Variants in TMC6 observed in about 807,000 individuals in gnomAD.
TMC6 encodes the protein transmembrane channel like 6.
TMC6 carries 71 observed loss-of-function variants against 95.4 expected under a neutral mutation model. The observed-to-expected ratio is 0.74, with a 90% CI of 0.61 to 0.91. TMC6 has a LOEUF of 0.91. TMC6 is among the 40% of genes least tolerant of loss of function. The probability of loss-of-function intolerance (pLI) is 0.00; values close to 1 mark genes in which losing one functional copy is unlikely to be tolerated. For missense variants in TMC6, 1,074 were observed against 1,079.1 expected (o/e 1.00, Z 0.07); for synonymous variants, 514 against 483.1 (o/e 1.06, Z -0.84).
At chr17:78,125,909 GGGCCGGGCAGGGCCA>G in intron 4 of TMC6, 25 bp from the exon 5 acceptor site, 1 of 1,549,850 alleles carries the variant, frequency 6.5e-7, no homozygotes, top group Non-Finnish European at 8.7e-7. Context: ...GGGCAGGGCC[GGGCCGGGCAGGGCCA>G]GGCCTCCCTC....
rs1409669932 is a variant in TMC6 at position 78,122,529 on chromosome 17, A to T, written c.1227+76T>A. 1.2e-5 allele frequency: 19 copies of T among 1,583,214 alleles called. No homozygotes were observed. In the East Asian group the frequency reaches 4.0e-4, roughly 34 times the overall value. ...CTCCCTCTAGACCATGGTTCTGGTC[A>T]CATGGTCCTAAGTGGACCCAGGGCC... On this transcript the variant is annotated intron_variant, in intron 10 of 19. Coordinates refer to ENST00000590602, the MANE Select transcript of TMC6 (RefSeq NM_001127198.5). The surrounding 1 kb of genome is among the most constrained non-coding windows in gnomAD (Gnocchi z 4.9).
chr17:78,119,397 CT>C lies in TMC6; in HGVS notation c.1716-6del, dbSNP rs3841687. ...AGCTTCTTCTCGGAGATAATCCTGCCTCCGAGGACCCCGGATCGTTAGATGG... is the reference window on the plus strand; with the variant it reads ...AGCTTCTTCTCGGAGATAATCCTGCCCCGAGGACCCCGGATCGTTAGATGG... On this transcript the variant is annotated splice_region_variant and splice_polypyrimidine_tract_variant and intron_variant, in intron 13 of 19. Transcript: ENST00000590602. The C allele has an allele frequency of 0.046, 73,717 of 1,613,734 alleles. 4,673 individuals carry two copies. Among genetic ancestry groups the C allele is most frequent in the East Asian group, 0.26 (11,636 of 44,826 alleles).
chr17:78,116,766 G>C (rs2074139378), intron 18 of TMC6, among the ~76,000 whole-genome samples: 1 of 152,138 alleles, frequency 6.6e-6, no homozygotes, highest in Admixed American at 6.5e-5. Context: ...TGTACTCCCA[G>C]CTACTCGGGA....
At chr17:78,128,858 G>T (rs2074882758), upstream of TMC6, 1 of 129,404 alleles carries the variant, frequency 7.7e-6, no homozygotes, top group African/African-American at 2.8e-5. The surrounding 1 kb of genome is among the most constrained non-coding windows in gnomAD (Gnocchi z 4.0). Flanking sequence ...CGGCGCCCCC[G>T]CCCTCCTCCG....
At chr17:78,131,949 G>A, upstream of TMC6, 1 of 1,516,432 alleles carries the variant, frequency 6.6e-7, no homozygotes, top group South Asian at 1.2e-5. Flanking sequence ...GCGGCAGACG[G>A]TGGAAAGGCG....
At position 78,117,467 on chromosome 17, in the gene TMC6, C is replaced by A. The variant is rs987564090; in HGVS notation, c.2198+1G>T. The A allele has an allele frequency of 1.9e-6, 3 of 1,610,146 alleles. No individual in the cohort carries two copies. The African/African-American group carries it at 4.0e-5, about 22-fold the overall frequency. ...GGGCCGCCCCCACCTGCGGGACTCA[C>A]AGCAGCAGGGCTGACACCAGGAAGA... is the stretch of plus-strand genomic sequence containing the variant. On this transcript the variant is annotated splice_donor_variant, in intron 17 of 19. Coordinates refer to ENST00000590602, the MANE Select transcript of TMC6 (RefSeq NM_001127198.5). LOFTEE classifies it high-confidence loss of function.
rs1567995497 is a variant in TMC6 at position 78,122,685 on chromosome 17, C to CG, written c.1146dup (p.Val383ArgfsTer118). 3 of 1,611,782 alleles carry CG rather than the reference C, an allele frequency of 1.9e-6. No individual in the cohort carries two copies. Among genetic ancestry groups the CG allele is most frequent in the Non-Finnish European group, 2.5e-6 (3 of 1,179,466 alleles). The stretch of plus-strand genomic sequence containing the variant: ...ACCTTGTAGTCCCAGGAGCAGAAGA[C>CG]GGTGATGGCGTGGATGCCAGAGGTG... On this transcript the variant is annotated frameshift_variant, in exon 10 of 20. Coordinates refer to ENST00000590602, the MANE Select transcript of TMC6 (RefSeq NM_001127198.5). LOFTEE classifies it high-confidence loss of function. The surrounding 1 kb of genome is among the most constrained non-coding windows in gnomAD (Gnocchi z 4.9).
In TMC6 at chr17:78,121,151, G is replaced by A. The variant is rs1239322265; in HGVS notation, c.1397C>T (p.Ala466Val). 6.3e-7 allele frequency: 1 copy of A among 1,594,874 alleles called. No homozygotes were observed. Among genetic ancestry groups the A allele is most frequent in the Non-Finnish European group, 8.5e-7 (1 of 1,171,548 alleles). The change falls in exon 12 of 20, where the codon GCT becomes GTT. Residue 466 changes from alanine to valine, a missense_variant. Ala to Val is a moderately conservative substitution (Grantham distance 64). Transcript: ENST00000590602. The surrounding 1 kb of genome is among the most constrained non-coding windows in gnomAD (Gnocchi z 5.6). ...GACCAGCAGCACAGCCTCCTGGCCA[G>A]CAGCCTCTGGACTCTGCAGGGGTGC... ...SEFMIQSPEA[A>V]GQEAVLLVLP...
chr17:78,117,835 C>A lies in TMC6; in HGVS notation c.1988G>T (p.Gly663Val). Residue 663 changes from glycine to valine, a missense_variant, in exon 16 of 20, where the codon GGC becomes GTC. By Grantham distance (109) the Gly-to-Val change is moderately radical. Coordinates refer to ENST00000590602, the MANE Select transcript of TMC6 (RefSeq NM_001127198.5). ...GGCGTAGCAGAGGAAGACAGCGGCG[C>A]CCAGGAAGGCGGGGAAGCAGAGCAG... Reference protein sequence around the residue: ...LTLLCFPAFLGAAVFLCYAVW... With the variant: ...LTLLCFPAFLVAAVFLCYAVW... The A allele has an allele frequency of 6.2e-7, 1 of 1,608,050 alleles. No individual in the cohort carries two copies. The highest frequency in any genetic ancestry group is 8.5e-7 in the Non-Finnish European group (1 of 1,177,532).
intron 18 of TMC6, among the ~76,000 whole-genome samples, chr17:78,114,838 G>C (rs2073976272): frequency 6.6e-6 from 1 of 152,182 alleles, no homozygotes; most frequent in East Asian, 1.9e-4. Context: ...CCCCAAAGAC[G>C]GGTCAGAGCT....
chr17:78,115,667 G>A (rs1214532445), intron 18 of TMC6, among the ~76,000 whole-genome samples: 39 of 135,704 alleles, frequency 2.9e-4, no homozygotes, highest in African/African-American at 1.1e-3. Flanking sequence ...AGGGGCGAAG[G>A]GAGTGGGCAC....
intron 13 of TMC6, chr17:78,120,427 T>C (rs2074355085): frequency 1.5e-6 from 1 of 669,536 alleles, no homozygotes; most frequent in Admixed American, 2.1e-5. Context: ...CCCAAAGTGC[T>C]GGGATTACAG....
In TMC6 at chr17:78,112,317, C is replaced by G; in HGVS notation, c.*831G>C. ...AGCCCTGGGCTGTCATGGGCTGGTC[C>G]CTGCAGACCTGGAGCACGGGGTCAT... On this transcript the variant is annotated 3_prime_UTR_variant, in exon 20 of 20. Transcript: ENST00000590602. 1 of 221,524 alleles carries G rather than the reference C, an allele frequency of 4.5e-6. No homozygotes were observed. Among genetic ancestry groups the G allele is most frequent in the Non-Finnish European group, 9.3e-6 (1 of 107,850 alleles). 13.7% of individuals were successfully genotyped at this position (221,524 alleles called of 1,614,324 possible).
At chr17:78,131,602 G>T, upstream of TMC6, 1 of 1,547,314 alleles carries the variant, frequency 6.5e-7, no homozygotes, top group East Asian at 2.4e-5. Flanking sequence ...CTGCTGCCGC[G>T]GTCGGTGTCA....
At chr17:78,132,424 C>A (rs1329338688), upstream of TMC6, 3 of 1,612,836 alleles carry the variant, frequency 1.9e-6, no homozygotes, top group Admixed American at 5.0e-5. Context: ...ACTCAACCTG[C>A]TGAGCCTGCT....
In TMC6 at chr17:78,121,451, G is replaced by A. The variant is rs944681811; in HGVS notation, c.1383+105C>T. 2 of 1,562,146 alleles carry A rather than the reference G, an allele frequency of 1.3e-6. No individual in the cohort carries two copies. The highest frequency in any genetic ancestry group is 1.4e-5 in the African/African-American group (1 of 73,790). ...CACAGCGTACGTGGCACCCTGGGCT[G>A]GCTGGGTGGAGGAGGAGAGGCAAGG... On this transcript the variant is annotated intron_variant, in intron 11 of 19. Transcript: ENST00000590602. The surrounding 1 kb of genome is among the most constrained non-coding windows in gnomAD (Gnocchi z 5.6).
upstream of TMC6, chr17:78,131,199 G>C (rs1447582383): frequency 5.8e-6 from 2 of 347,410 alleles, no homozygotes; most frequent in Non-Finnish European, 1.1e-5. Flanking sequence ...AGGTGGATGC[G>C]GGGTGCAGCA....
rs71931149 is a variant in TMC6, at chr17:78,120,584, CTCCCGGCCACACG to C, written c.1715+56_1715+68del. On this transcript the variant is annotated intron_variant, in intron 13 of 19. Coordinates refer to ENST00000590602, the MANE Select transcript of TMC6 (RefSeq NM_001127198.5). ...ATGGGAAAGGTCCAGGCCTGAGAAC[CTCCCGGCCACACG>C]TCCCGGCCACTAAGGGGAGAACACT... 0.029 allele frequency: 46,162 copies of C among 1,609,552 alleles called. 1,362 individuals carry two copies. The highest frequency in any genetic ancestry group is 0.12 in the African/African-American group (8,791 of 74,948).
chr17:78,125,407 A>G (rs1038154274), intron 5 of TMC6, 144 bp from the exon 6 acceptor site: 3 of 828,816 alleles, frequency 3.6e-6, no homozygotes, highest in African/African-American at 3.4e-5. Context: ...GTCGCCAATC[A>G]GCCGTGTGTT....
Sources: allele counts gnomAD v4.1 joint callset (sites outside exome capture counted in the v4.1 genomes callset), GRCh38; gene constraint gnomAD v4.1.1; non-coding constraint Gnocchi (gnomAD v3.1); transcripts MANE v1.5; gene names NCBI Gene and HGNC (gene_info 2026-07-23, HGNC 2026-07-21).